SMG5: variants seen among roughly 807,000 people sequenced by gnomAD.
SMG5 encodes the protein SMG5 nonsense mediated mRNA decay factor.
A neutral mutation model predicts 122.9 loss-of-function variants in SMG5; 53 were observed. The observed-to-expected ratio is 0.43, with a 90% confidence interval of 0.35 to 0.54. The LOEUF (loss-of-function observed/expected upper bound fraction) is 0.54, where lower values mean the gene tolerates loss of function less well. SMG5 is among the 20% of genes least tolerant of loss of function. The probability of loss-of-function intolerance (pLI) is 0.01; values close to 1 mark genes in which losing one functional copy is unlikely to be tolerated. For missense variants in SMG5, 1,153 were observed against 1,285.6 expected (o/e 0.90, Z 1.58); for synonymous variants, 477 against 490.2 (o/e 0.97, Z 0.35).
Position 156,249,714 on chromosome 1 carries a change from T to C in SMG5, c.*873A>G. 2.1e-6 allele frequency: 1 copy of C among 469,204 alleles called. No homozygotes were observed. The highest frequency in any genetic ancestry group is 1.6e-5 in the South Asian group (1 of 64,478). 29.1% of individuals were successfully genotyped at this position (469,204 alleles called of 1,614,324 possible). On this transcript the variant is annotated 3_prime_UTR_variant, in exon 22 of 22. Coordinates refer to ENST00000361813, the MANE Select transcript of SMG5 (RefSeq NM_015327.3). ...CGGCCCCTTGTCTTCAGCCCTCCCTTAGATAGGAAGGGGGGTGGTGGCCTC... is the reference window on the plus strand; with the variant it reads ...CGGCCCCTTGTCTTCAGCCCTCCCTCAGATAGGAAGGGGGGTGGTGGCCTC...
rs777910273 is a variant in SMG5 at position 156,253,432 on chromosome 1, G to C, written c.2502+17C>G. On this transcript the variant is annotated intron_variant, in intron 17 of 21. Transcript: ENST00000361813. ...TCTACCAAGTGCAGAAGAAGCACTTGGGTCCTGATTTCCTACCTGAAGTCG... is the reference window on the plus strand; with the variant it reads ...TCTACCAAGTGCAGAAGAAGCACTTCGGTCCTGATTTCCTACCTGAAGTCG... 17 of 1,613,634 alleles carry C rather than the reference G, an allele frequency of 1.1e-5. No homozygotes were observed. In the Admixed American group the frequency reaches 1.3e-4, roughly 13 times the overall value.
rs1421261239 is a variant in SMG5 at position 156,278,984 on chromosome 1, G to C, written c.125C>G (p.Thr42Ser). The C allele has an allele frequency of 6.2e-7, 1 of 1,614,170 alleles. No individual in the cohort carries two copies. The highest frequency in any genetic ancestry group is 8.5e-7 in the Non-Finnish European group (1 of 1,180,020). ...HRLDLILCNKTAYQEVFKPEN... is the reference protein window; with the variant it reads ...HRLDLILCNKSAYQEVFKPEN... ...TGGTTTGAATACTTCTTGATAAGCA[G>C]TTTTGTTGCAAAGGATGAGGTCAAG... Residue 42 changes from threonine (T) to serine (S), a missense_variant, in exon 2 of 22, where the codon ACT becomes AGT. Transcript: ENST00000361813.
At chr1:156,285,557 G>A (rs1016636732), upstream of SMG5, 2 of 1,614,132 alleles carry the variant, frequency 1.2e-6, no homozygotes, top group Admixed American at 1.7e-5. Context: ...TACCAAGCTA[G>A]AGGAGCTGCC....
chr1:156,277,700 T>C (rs1030256271), intron 3 of SMG5, among the ~76,000 whole-genome samples: 22 of 151,786 alleles, frequency 1.4e-4, no homozygotes, highest in Non-Finnish European at 2.1e-4. Context: ...CTAGTAGAGA[T>C]GGGGTTTCTC....
intron 10 of SMG5, among the ~76,000 whole-genome samples, 184 bp from the exon 11 acceptor site, chr1:156,266,862 C>CT (rs1662176542): frequency 6.6e-6 from 1 of 150,510 alleles, no homozygotes; most frequent in Admixed American, 6.6e-5. Flanking sequence ...CAGGCTGGGT[C>CT]TTGAACTCCT....
chr1:156,265,677 T>C (rs1662091136), intron 12 of SMG5, 104 bp downstream of exon 12: 7 of 1,506,048 alleles, frequency 4.6e-6, no homozygotes, highest in Non-Finnish European at 6.2e-6. Flanking sequence ...AAGGTAAGGG[T>C]AGAGACGAGA....
upstream of SMG5, chr1:156,286,190 C>A (rs1485918318): frequency 4.0e-6 from 6 of 1,514,350 alleles, no homozygotes; most frequent in Non-Finnish European, 5.5e-6. Flanking sequence ...TGAATCTGCC[C>A]CCAGCTTACT....
intron 1 of SMG5, among the ~76,000 whole-genome samples, chr1:156,279,801 A>G (rs1662850696): frequency 6.6e-6 from 1 of 152,188 alleles, no homozygotes; most frequent in South Asian, 2.1e-4. Context: ...CGTAAGCAAG[A>G]TTCTGATAAG....
At chr1:156,253,359 G>T in intron 17 of SMG5, 90 bp downstream of exon 17, 1 of 1,313,024 alleles carries the variant, frequency 7.6e-7, no homozygotes, top group Non-Finnish European at 1.1e-6. Context: ...CAGAGCAGGG[G>T]GACTACAGCG....
At chr1:156,269,972 G>A (rs1278382148) in intron 7 of SMG5, among the ~76,000 whole-genome samples, 1 of 152,228 alleles carries the variant, frequency 6.6e-6, no homozygotes, top group African/African-American at 2.4e-5. Context: ...CCCAGGAGGT[G>A]GAGGTTGCAG....
chr1:156,279,125 G>T, intron 1 of SMG5, 91 bp from the exon 2 acceptor site: 1 of 1,104,450 alleles, frequency 9.1e-7, no homozygotes, highest in Non-Finnish European at 1.4e-6. Flanking sequence ...AAAAGCTACA[G>T]AATTAGCGGT....
intron 13 of SMG5, 58 bp from the exon 14 acceptor site, chr1:156,261,466 G>T: frequency 6.8e-7 from 1 of 1,460,152 alleles, no homozygotes. Context: ...GAGAACAGCA[G>T]TGAGCAAGGA....
At chr1:156,279,056 T>C (rs1295187572) in intron 1 of SMG5, 22 bp from the exon 2 acceptor site, 4 of 1,599,586 alleles carry the variant, frequency 2.5e-6, no homozygotes, top group East Asian at 2.2e-5. Flanking sequence ...TACAGGCAAA[T>C]ATCCCCTCAG....
intron 16 of SMG5, 141 bp from the exon 17 acceptor site, chr1:156,253,649 G>A (rs1661454740): frequency 1.4e-6 from 1 of 735,884 alleles, no homozygotes; most frequent in South Asian, 1.5e-5. Flanking sequence ...AATGAGGGGA[G>A]GAGAGGCATG....
At chr1:156,272,737 C>G (rs750602090) in intron 6 of SMG5, among the ~76,000 whole-genome samples, 9 of 152,034 alleles carry the variant, frequency 5.9e-5, no homozygotes, top group Non-Finnish European at 1.0e-4. Flanking sequence ...CCACCATGCC[C>G]GGCTAATTTT....
chr1:156,286,284 T>C (rs753369081), upstream of SMG5: 26 of 1,614,124 alleles, frequency 1.6e-5, 1 homozygote, highest in Admixed American at 3.8e-4. Flanking sequence ...GGGCTGAGCC[T>C]GTTATGCTTT....
chr1:156,279,000 T>C lies in SMG5; in HGVS notation c.109A>G (p.Ile37Val), dbSNP rs1470258853. Residue 37 changes from isoleucine to valine, a missense_variant, in exon 2 of 22, where the codon ATC becomes GTC. This residue lies in a region of SMG5 where 213 missense variants were observed against 197.5 expected (regional missense o/e 1.08). Coordinates refer to ENST00000361813, the MANE Select transcript of SMG5 (RefSeq NM_015327.3). ...VVEAVHRLDL[I>V]LCNKTAYQEV... is the part of the protein sequence containing the mutation. Reference sequence around the variant, plus strand: ...TGATAAGCAGTTTTGTTGCAAAGGATGAGGTCAAGTCGATGCACAGCCTCC... The same window carrying C: ...TGATAAGCAGTTTTGTTGCAAAGGACGAGGTCAAGTCGATGCACAGCCTCC... The C allele has an allele frequency of 1.2e-6, 2 of 1,614,018 alleles. No individual in the cohort carries two copies. Among genetic ancestry groups the C allele is most frequent in the Admixed American group, 1.7e-5 (1 of 59,990 alleles).
chr1:156,266,866 A>G (rs546808036), intron 10 of SMG5, among the ~76,000 whole-genome samples, 188 bp from the exon 11 acceptor site: 2 of 151,082 alleles, frequency 1.3e-5, no homozygotes, highest in East Asian at 3.9e-4. Context: ...CTGGGTCTTG[A>G]ACTCCTGGGC....
chr1:156,251,882 T>C (rs1447967566), intron 19 of SMG5, among the ~76,000 whole-genome samples: 1 of 152,172 alleles, frequency 6.6e-6, no homozygotes, highest in Non-Finnish European at 1.5e-5. Context: ...CTAGTTCTCC[T>C]CCAGCCCCAA....
Sources: gnomAD v4.1 joint callset for allele counts (sites outside exome capture counted in the v4.1 genomes callset) on GRCh38, gnomAD v4.1.1 for gene constraint, gnomAD v4.1.1 regional missense constraint, MANE v1.5 for transcripts, NCBI Gene and HGNC (gene_info 2026-07-23, HGNC 2026-07-21) for gene names.